Variants in CARF observed in about 807,000 individuals in gnomAD.
CARF encodes calcium responsive transcription factor.
Under a neutral mutation model 82.0 loss-of-function variants are expected in CARF, and 57 were observed. That is an observed-to-expected ratio of 0.70 (90% CI 0.56 to 0.87). CARF has a LOEUF of 0.87. CARF is among the 40% of genes least tolerant of loss of function. The pLI is 0.00. For synonymous variants in CARF, 268 were observed against 290.1 expected (o/e 0.92, Z 0.77); for missense variants, 771 against 855.8 (o/e 0.90, Z 1.24).
In CARF at chr2:202,983,496, GT is replaced by G; in HGVS notation, c.2060-5del. On this transcript the variant is annotated splice_polypyrimidine_tract_variant and intron_variant, in intron 16 of 16. Transcript: ENST00000438828. ...ATTAACTTTTAGGATTTTTCTGTTT[GT>G]TTTTAAAGTTGAAGAAAATCCAGAA... 1 of 1,524,188 alleles carries G rather than the reference GT, an allele frequency of 6.6e-7. No homozygotes were observed. Among genetic ancestry groups the G allele is most frequent in the Non-Finnish European group, 9.0e-7 (1 of 1,112,026 alleles). 94.4% of individuals were successfully genotyped at this position (1,524,188 alleles called of 1,614,324 possible).
chr2:202,972,886 C>G (rs1465756631), intron 12 of CARF, among the ~76,000 whole-genome samples: 1 of 152,124 alleles, frequency 6.6e-6, no homozygotes. Flanking sequence ...AAAGGAAATA[C>G]AGCAGGTCCT....
rs928994964 is a variant in CARF, at chr2:202,985,539, G to A, written c.*1915G>A. On this transcript the variant is annotated 3_prime_UTR_variant, in exon 17 of 17. Transcript: ENST00000438828. ...TTGATGTTGGCATTTTATACAGGCA[G>A]GTTGCCAAATTTAATTATGTTACAC... is the stretch of plus-strand genomic sequence containing the variant. 6 of 152,046 alleles carry A rather than the reference G, an allele frequency of 3.9e-5. No individual in the cohort carries two copies. Among genetic ancestry groups the A allele is most frequent in the Non-Finnish European group, 5.9e-5 (4 of 67,976 alleles). 9.4% of individuals were successfully genotyped at this position (152,046 alleles called of 1,614,324 possible). A position where few individuals can be genotyped will look rare whatever the true frequency, so the allele number is the denominator to read the frequency against.
At chr2:202,924,003 TGTG>T (rs1691335414) in intron 2 of CARF, among the ~76,000 whole-genome samples, 3 of 152,212 alleles carry the variant, frequency 2.0e-5, no homozygotes, top group African/African-American at 7.2e-5. Context: ...TTAAATCTAA[TGTG>T]ATGTTAATTT....
Position 202,969,948 on chromosome 2 carries a change from C to T in CARF, c.983C>T (p.Pro328Leu), listed in dbSNP as rs367702882. 22 of 1,537,396 alleles carry T rather than the reference C, an allele frequency of 1.4e-5. No homozygotes were observed. The African/African-American group carries it at 3.0e-4, about 21-fold the overall frequency. Reference protein sequence around the residue: ...RIYIKKVQKFPEYRVPTDPKI... With the variant: ...RIYIKKVQKFLEYRVPTDPKI... ...TACATTAAAAAGGTACAGAAGTTTCCTGAATATAGAGTTCCTACAGACCCC... is the reference window on the plus strand; with the variant it reads ...TACATTAAAAAGGTACAGAAGTTTCTTGAATATAGAGTTCCTACAGACCCC... Residue 328 changes from proline to leucine, a missense_variant, in exon 11 of 17, where the codon CCT (proline) becomes CTT (leucine). Coordinates refer to ENST00000438828, the MANE Select transcript of CARF (RefSeq NM_024744.17).
At chr2:202,952,189 C>T (rs2058785796) in intron 5 of CARF, among the ~76,000 whole-genome samples, 1 of 152,074 alleles carries the variant, frequency 6.6e-6, no homozygotes. Flanking sequence ...AAATGGTTGC[C>T]ACACAAATAG....
In CARF at chr2:202,967,106, T is replaced by G. The variant is rs745329776; in HGVS notation, c.953+8T>G. ...AGCCACTTGTCCAGCTCGGTAAGCT[T>G]TATTTTCTTTTATTTGTTTTCTATT... On this transcript the variant is annotated splice_region_variant and intron_variant, in intron 10 of 16. Coordinates refer to ENST00000438828, the MANE Select transcript of CARF (RefSeq NM_024744.17). 5 of 1,608,840 alleles carry G rather than the reference T, an allele frequency of 3.1e-6. No homozygotes were observed. Among genetic ancestry groups the G allele is most frequent in the Non-Finnish European group, 4.2e-6 (5 of 1,178,656 alleles).
chr2:202,981,662 C>T lies in CARF; in HGVS notation c.1666C>T (p.Pro556Ser), dbSNP rs751099859. The change falls in exon 15 of 17, where the codon CCC (proline) becomes TCC (serine). Residue 556 changes from proline (P) to serine (S), a missense_variant. By Grantham distance (74) the Pro-to-Ser change is moderately conservative. Coordinates refer to ENST00000438828, the MANE Select transcript of CARF (RefSeq NM_024744.17). ...HLLSSLSSFQ[P>S]KIFTQLQGLQ... ...GCTCTCCTCACTCTCCTCATTTCAG[C>T]CCAAAATATTTACACAACTACAGGT... The T allele has an allele frequency of 1.9e-6, 3 of 1,611,560 alleles. No individual in the cohort carries two copies. The highest frequency in any genetic ancestry group is 2.5e-6 in the Non-Finnish European group (3 of 1,178,612).
intron 14 of CARF, among the ~76,000 whole-genome samples, chr2:202,979,704 G>A (rs183814657): frequency 2.2e-4 from 34 of 152,012 alleles, no homozygotes; most frequent in African/African-American, 6.5e-4. Context: ...AGGAGGCTGA[G>A]GCAGGAGAAT....
At chr2:202,969,028 G>T (rs759652377) in intron 10 of CARF, among the ~76,000 whole-genome samples, 2 of 152,144 alleles carry the variant, frequency 1.3e-5, no homozygotes, top group African/African-American at 4.8e-5. Context: ...GGTGGCTCAC[G>T]CCTATAATCC....
At chr2:202,927,171 A>G (rs1444125642) in intron 3 of CARF, among the ~76,000 whole-genome samples, 2 of 151,982 alleles carry the variant, frequency 1.3e-5, no homozygotes, top group African/African-American at 4.8e-5. Flanking sequence ...CTTTCTCTAC[A>G]GAAAACCAGT....
At chr2:202,923,614 G>C (rs1187826851) in intron 2 of CARF, among the ~76,000 whole-genome samples, 1 of 152,060 alleles carries the variant, frequency 6.6e-6, no homozygotes, top group Non-Finnish European at 1.5e-5. Flanking sequence ...CACAGAATTA[G>C]AAAAAACAAT....
At chr2:202,942,607 C>G (rs1217804499) in intron 4 of CARF, 133 bp from the exon 5 acceptor site, 33 of 1,022,068 alleles carry the variant, frequency 3.2e-5, no homozygotes, top group Middle Eastern at 3.2e-4. Flanking sequence ...CTGTGTATAG[C>G]AATTTGTGTG....
In CARF at chr2:202,940,023, C is replaced by G. The variant is rs10932003; in HGVS notation, c.-43-1837C>G. On this transcript the variant is annotated intron_variant, in intron 3 of 16. Transcript: ENST00000438828. ...TAGTTTCAGCAGTTTTTCATTGTTTCTTTGTTTGTTTGTTTGTTTGTTTGT... is the reference window on the plus strand; with the variant it reads ...TAGTTTCAGCAGTTTTTCATTGTTTGTTTGTTTGTTTGTTTGTTTGTTTGT... 6.4e-3 allele frequency among the ~76,000 whole-genome samples: 967 copies of G among 151,168 alleles called. 17 individuals carry two copies. Among genetic ancestry groups the G allele is most frequent in the Admixed American group, 0.022 (329 of 15,150 alleles).
chr2:202,958,255 G>GTGTGTGTGTGTGTGTA (rs1418799865), intron 8 of CARF, among the ~76,000 whole-genome samples: 1 of 150,822 alleles, frequency 6.6e-6, no homozygotes, highest in African/African-American at 2.4e-5. Context: ...ATATATGTGT[G>GTGTGTGTGTGTGTGTA]TGTGTGTGTG....
chr2:202,938,806 G>A (rs2058077512), intron 3 of CARF, among the ~76,000 whole-genome samples: 2 of 151,656 alleles, frequency 1.3e-5, no homozygotes, highest in South Asian at 2.1e-4. Context: ...TCTCAAACTT[G>A]TGGGCTCAAG....
intron 5 of CARF, among the ~76,000 whole-genome samples, chr2:202,950,604 G>A (rs1316145380): frequency 1.3e-5 from 2 of 152,154 alleles, no homozygotes; most frequent in Admixed American, 6.5e-5. Flanking sequence ...CTAGTACAGA[G>A]TGGTAGTTTG....
intron 12 of CARF, among the ~76,000 whole-genome samples, chr2:202,973,113 C>T (rs1387779571): frequency 6.6e-6 from 1 of 152,078 alleles, no homozygotes; most frequent in Non-Finnish European, 1.5e-5. Flanking sequence ...TGTTGTATGT[C>T]CTTTCACTTA....
chr2:202,934,269 T>C (rs1009598603), intron 3 of CARF, among the ~76,000 whole-genome samples: 1 of 152,144 alleles, frequency 6.6e-6, no homozygotes, highest in African/African-American at 2.4e-5. Context: ...TGCAGTTCCA[T>C]GTGAATTTGA....
chr2:202,953,160 C>T (rs1329522546), intron 6 of CARF, among the ~76,000 whole-genome samples: 2 of 152,052 alleles, frequency 1.3e-5, no homozygotes, highest in Admixed American at 6.6e-5. Flanking sequence ...GCAGGGATTA[C>T]AGGCGCCTGC....
Sources: gnomAD v4.1 joint callset for allele counts (sites outside exome capture counted in the v4.1 genomes callset) on GRCh38, gnomAD v4.1.1 for gene constraint, MANE v1.5 for transcripts, NCBI Gene and HGNC (gene_info 2026-07-23, HGNC 2026-07-21) for gene names.